The following ZNF236 variants were observed in gnomAD, a reference collection of about 807,000 sequenced individuals.
The protein encoded by ZNF236 is regulated by glucose.
ZNF236 carries 50 observed loss-of-function variants against 191.2 expected under a neutral mutation model. The observed-to-expected ratio is 0.26, with a 90% CI of 0.21 to 0.33. ZNF236 has a LOEUF of 0.33. ZNF236 is among the 10% of genes least tolerant of loss of function. ZNF236 has a pLI of 1.00. For missense variants in ZNF236, 1,754 were observed against 2,374.5 expected (o/e 0.74, Z 5.43); for synonymous variants, 907 against 928.8 (o/e 0.98, Z 0.43).
In ZNF236 at chr18:76,939,702, C is replaced by T. The variant is rs533479006; in HGVS notation, c.4782+2359C>T. On this transcript the variant is annotated intron_variant, in intron 26 of 30. Coordinates refer to ENST00000320610, the MANE Select transcript of ZNF236 (RefSeq NM_001306089.2). ...GGCTGTAAATATGACCTTACACTTC[C>T]GGTTGTCTTGTAAAGCCTTAAGGGT... Among the ~76,000 whole-genome samples the T allele has an allele frequency of 2.6e-5, 4 of 152,034 alleles. 1 individual carries two copies. The highest frequency in any genetic ancestry group is 7.2e-5 in the African/African-American group (3 of 41,458).
At chr18:76,823,342 C>T (rs1254295783) in intron 1 of ZNF236, among the ~76,000 whole-genome samples, 2 of 149,834 alleles carry the variant, frequency 1.3e-5, no homozygotes, top group African/African-American at 4.9e-5. Flanking sequence ...TGAGCCTCTG[C>T]AGACGCTGTG....
chr18:76,855,787 G>A (rs925875698), intron 3 of ZNF236, among the ~76,000 whole-genome samples: 2 of 152,126 alleles, frequency 1.3e-5, no homozygotes, highest in African/African-American at 4.8e-5. Flanking sequence ...TATCTTGTGA[G>A]TAGAGGATGC....
chr18:76,950,803 C>T (rs1390377512), intron 27 of ZNF236, among the ~76,000 whole-genome samples: 1 of 152,244 alleles, frequency 6.6e-6, no homozygotes. Flanking sequence ...TCATAGGAAT[C>T]ACTATCTATG....
intron 2 of ZNF236, among the ~76,000 whole-genome samples, chr18:76,849,929 A>T (rs1975809057): frequency 6.6e-6 from 1 of 152,246 alleles, no homozygotes; most frequent in South Asian, 2.1e-4. Context: ...TGTTTAAAAA[A>T]TATGACTTTT....
chr18:76,928,679 G>A lies in ZNF236; in HGVS notation c.4594+573G>A, dbSNP rs9957607. Among the ~76,000 whole-genome samples, 9 of 152,180 alleles carry A rather than the reference G, an allele frequency of 5.9e-5. No homozygotes were observed. In the East Asian group the frequency reaches 1.5e-3, roughly 26 times the overall value. ...TCCCTGTCTTAGGGCTATGCTGCTC[G>A]CATTCTGACTTTTCTCCTTGTGTGC... On this transcript the variant is annotated intron_variant, in intron 25 of 30. Transcript: ENST00000320610.
intron 19 of ZNF236, among the ~76,000 whole-genome samples, chr18:76,916,220 T>G (rs536926578): frequency 1.3e-4 from 20 of 152,342 alleles, no homozygotes; most frequent in African/African-American, 4.6e-4. Context: ...TTTTGTCTAC[T>G]GAAGTTTATT....
chr18:76,955,757 C>T (rs1968508065), intron 27 of ZNF236, among the ~76,000 whole-genome samples: 1 of 152,196 alleles, frequency 6.6e-6, no homozygotes, highest in African/African-American at 2.4e-5. Flanking sequence ...GAGCTCATTC[C>T]TTAGCTGCTG....
At chr18:76,945,411 T>C (rs1418349270) in intron 26 of ZNF236, among the ~76,000 whole-genome samples, 2 of 152,256 alleles carry the variant, frequency 1.3e-5, no homozygotes, top group Non-Finnish European at 2.9e-5. Flanking sequence ...CAAAAAAGTA[T>C]AGCATTCACC....
Position 76,860,804 on chromosome 18 carries a change from G to A in ZNF236, c.364-7881G>A, listed in dbSNP as rs116619647. Among the ~76,000 whole-genome samples the A allele has an allele frequency of 4.5e-3, 680 of 152,204 alleles. 3 individuals carry two copies. The highest frequency in any genetic ancestry group is 0.015 in the African/African-American group (616 of 41,506). On this transcript the variant is annotated intron_variant, in intron 3 of 30. Coordinates refer to ENST00000320610, the MANE Select transcript of ZNF236 (RefSeq NM_001306089.2). ...TGAGAAATATGTGTTTTCTGAAATC[G>A]CTTGACTTTACATTTCTATTACTAC...
chr18:76,925,186 C>T lies in ZNF236; in HGVS notation c.3662-3C>T. 1.2e-6 allele frequency: 2 copies of T among 1,608,440 alleles called. No individual in the cohort carries two copies. The highest frequency in any genetic ancestry group is 1.7e-6 in the Non-Finnish European group (2 of 1,176,194). On this transcript the variant is annotated splice_region_variant and splice_polypyrimidine_tract_variant and intron_variant, in intron 21 of 30. Transcript: ENST00000320610. The surrounding 1 kb of genome is among the most constrained non-coding windows in gnomAD (Gnocchi z 5.7). The stretch of plus-strand genomic sequence containing the variant: ...TGTTGATTCTTGGCTGGGCTTTTCA[C>T]AGGTCAGAAGCTCTTCAGCTGTCAC...
chr18:76,853,469 A>G (rs1028973620), intron 3 of ZNF236, among the ~76,000 whole-genome samples: 2 of 152,190 alleles, frequency 1.3e-5, no homozygotes, highest in East Asian at 3.8e-4. Flanking sequence ...AACATCTTAT[A>G]ATACAAGTAA....
intron 3 of ZNF236, among the ~76,000 whole-genome samples, chr18:76,863,134 G>T (rs1174733006): frequency 6.6e-6 from 1 of 152,190 alleles, no homozygotes; most frequent in Admixed American, 6.5e-5. Context: ...CCTGAAGATA[G>T]AGCAGCAGGA....
intron 2 of ZNF236, among the ~76,000 whole-genome samples, chr18:76,851,422 T>C (rs1975866682): frequency 6.6e-6 from 1 of 152,126 alleles, no homozygotes; most frequent in African/African-American, 2.4e-5. Context: ...TGAGCCACCG[T>C]GCCTGGGCAC....
chr18:76,969,067 C>A lies in ZNF236; in HGVS notation c.*728C>A. 1 of 795,792 alleles carries A rather than the reference C, an allele frequency of 1.3e-6. No individual in the cohort carries two copies. Among genetic ancestry groups the A allele is most frequent in the Non-Finnish European group, 1.5e-6 (1 of 656,214 alleles). 49.3% of individuals were successfully genotyped at this position (795,792 alleles called of 1,614,324 possible). A position where few individuals can be genotyped will look rare whatever the true frequency, so the allele number is the denominator to read the frequency against. ...CACACTTACCGCATCAATCTGTGTT[C>A]AGGTCCAGGGTTACATAATTGCAGA... is the stretch of plus-strand genomic sequence containing the variant. On this transcript the variant is annotated 3_prime_UTR_variant, in exon 31 of 31. Coordinates refer to ENST00000320610, the MANE Select transcript of ZNF236 (RefSeq NM_001306089.2).
intron 9 of ZNF236, among the ~76,000 whole-genome samples, chr18:76,889,371 C>T (rs1299991806): frequency 2.0e-5 from 3 of 152,202 alleles, no homozygotes; most frequent in African/African-American, 4.8e-5. Flanking sequence ...TGCTTGGTTA[C>T]ACTGCCCTAC....
intron 27 of ZNF236, among the ~76,000 whole-genome samples, chr18:76,951,183 A>C (rs1599421753): frequency 6.6e-6 from 1 of 152,358 alleles, no homozygotes; most frequent in East Asian, 1.9e-4. Context: ...ATTGGCTTCA[A>C]CTTAAAGTCA....
chr18:76,856,675 G>A (rs1450931962), intron 3 of ZNF236, among the ~76,000 whole-genome samples: 1 of 152,100 alleles, frequency 6.6e-6, no homozygotes, highest in Non-Finnish European at 1.5e-5. Context: ...GATGTGTGGG[G>A]ATTATTGGTC....
intron 1 of ZNF236, among the ~76,000 whole-genome samples, chr18:76,825,067 T>C (rs535659641): frequency 6.6e-6 from 1 of 152,346 alleles, no homozygotes; most frequent in African/African-American, 2.4e-5. Context: ...GTCTGACTCT[T>C]CTCTCTTTCC....
At position 76,875,690 on chromosome 18, in the gene ZNF236, G is replaced by A. The variant is rs765464107; in HGVS notation, c.840+26G>A. 13 of 1,500,644 alleles carry A rather than the reference G, an allele frequency of 8.7e-6. No homozygotes were observed. Among genetic ancestry groups the A allele is most frequent in the East Asian group, 7.3e-5 (3 of 41,050 alleles). 93.0% of individuals were successfully genotyped at this position (1,500,644 alleles called of 1,614,324 possible). A position where few individuals can be genotyped will look rare whatever the true frequency, so the allele number is the denominator to read the frequency against. On this transcript the variant is annotated intron_variant, in intron 6 of 30. Transcript: ENST00000320610. The surrounding 1 kb of genome is among the most constrained non-coding windows in gnomAD (Gnocchi z 4.3). ...GTAAACACGGGTTGGGGGCATAAGC[G>A]GTATTTCACAGGGGACAGTAGGTAT... is the stretch of plus-strand genomic sequence containing the variant.
Sources: allele counts gnomAD v4.1 joint callset (sites outside exome capture counted in the v4.1 genomes callset), GRCh38; gene constraint gnomAD v4.1.1; non-coding constraint Gnocchi (gnomAD v3.1); transcripts MANE v1.5; gene names NCBI Gene and HGNC (gene_info 2026-07-23, HGNC 2026-07-21).